UNC5B: variants seen among roughly 807,000 people sequenced by gnomAD.
UNC5B encodes the protein unc-5 netrin receptor B.
Under a neutral mutation model 103.7 loss-of-function variants are expected in UNC5B, and 56 were observed. The observed-to-expected ratio is 0.54, with a 90% confidence interval of 0.44 to 0.67. The LOEUF (loss-of-function observed/expected upper bound fraction) is 0.67. Among genes scored for constraint, UNC5B ranks in the 30% least tolerant of loss-of-function variants. The probability of loss-of-function intolerance (pLI) is 0.00; values close to 1 mark genes in which losing one functional copy is unlikely to be tolerated. For missense variants in UNC5B, 1,194 were observed against 1,284.5 expected, an observed-to-expected ratio of 0.93 and a Z score of 1.08; for synonymous variants, 577 against 542.0, an observed-to-expected ratio of 1.06 and a Z score of -0.90.
chr10:71,296,503 T>G (rs1845416347), intron 14 of UNC5B, 75 bp from the exon 15 acceptor site: 1 of 1,542,512 alleles, frequency 6.5e-7, no homozygotes, highest in South Asian at 1.2e-5. Context: ...CTCCCAACCC[T>G]CCCTGAGCCT....
intron 1 of UNC5B, among the ~76,000 whole-genome samples, chr10:71,238,662 C>T (rs1843824496): frequency 6.6e-6 from 1 of 152,120 alleles, no homozygotes; most frequent in Non-Finnish European, 1.5e-5. Context: ...ACCATCTTGG[C>T]CAGGCTGGTC....
At chr10:71,288,921 C>A in intron 7 of UNC5B, 37 bp from the exon 8 acceptor site, 1 of 1,608,988 alleles carries the variant, frequency 6.2e-7, no homozygotes, top group Non-Finnish European at 8.5e-7. Context: ...TTCCCTGTCA[C>A]CTATGTCATT....
chr10:71,242,641 T>C (rs991212330), intron 1 of UNC5B, among the ~76,000 whole-genome samples: 4 of 152,214 alleles, frequency 2.6e-5, no homozygotes, highest in Admixed American at 2.6e-4. Context: ...TGTGAGACCC[T>C]GGCTGTCCCT....
rs1845592516 is a variant in UNC5B, at chr10:71,301,991, C to G, written c.*2714C>G. 2 of 152,378 alleles carry G rather than the reference C, an allele frequency of 1.3e-5. No homozygotes were observed. The highest frequency in any genetic ancestry group is 2.9e-5 in the Non-Finnish European group (2 of 68,070). The allele number at this position is 152,378 out of a possible 1,614,324, so 9.4% of individuals were successfully genotyped here. A position where few individuals can be genotyped will look rare whatever the true frequency, so the allele number is the denominator to read the frequency against. The stretch of plus-strand genomic sequence containing the variant: ...CCAGGTGCCATTTCCAGTCTGACTT[C>G]CAGAAATGTGCACCATGTCCTAGAG... On this transcript the variant is annotated 3_prime_UTR_variant, in exon 17 of 17. Transcript: ENST00000335350.
At position 71,299,335 on chromosome 10, in the gene UNC5B, G is replaced by A; in HGVS notation, c.*58G>A. 1.3e-6 allele frequency: 2 copies of A among 1,597,150 alleles called. No individual in the cohort carries two copies. The highest frequency in any genetic ancestry group is 2.2e-5 in the South Asian group (2 of 89,374). ...CAGGAGGCAGGTGCAGGGAGGCCTG[G>A]GGCAGCCTCCTGATGGGGATGTTTG... On this transcript the variant is annotated 3_prime_UTR_variant, in exon 17 of 17. Transcript: ENST00000335350.
In UNC5B at chr10:71,296,732, CTCT is replaced by C. The variant is rs1488227523; in HGVS notation, c.2481_2483del (p.Leu828del). 1.9e-6 allele frequency: 3 copies of C among 1,609,444 alleles called. No homozygotes were observed. The highest frequency in any genetic ancestry group is 2.7e-5 in the African/African-American group (2 of 73,110). On this transcript the variant is annotated inframe_deletion, in exon 15 of 17. Coordinates refer to ENST00000335350, the MANE Select transcript of UNC5B (RefSeq NM_170744.5). ...GGCCAGATATTCCAGCTGCATACCACTCTGGCAGAGGTGAGGGAAGTCGGGGCC... is the reference window on the plus strand; with the variant it reads ...GGCCAGATATTCCAGCTGCATACCACGGCAGAGGTGAGGGAAGTCGGGGCC...
At chr10:71,239,869 C>T (rs1223294917) in intron 1 of UNC5B, among the ~76,000 whole-genome samples, 1 of 152,192 alleles carries the variant, frequency 6.6e-6, no homozygotes, top group East Asian at 1.9e-4. Flanking sequence ...CTGGATTTGG[C>T]AGACCCTGTA....
chr10:71,213,097 T>C lies in UNC5B; in HGVS notation c.79+33T>C. The stretch of plus-strand genomic sequence containing the variant: ...GCGATCGGGTCTGGGGGCGCGGGGC[T>C]AGGGGACCCTTGCGCCTCACTCTGT... On this transcript the variant is annotated intron_variant, in intron 1 of 16. Transcript: ENST00000335350. This position sits in a 1 kb window ranked among gnomAD's most constrained non-coding sequence, Gnocchi z 4.1. 3 of 1,270,806 alleles carry C rather than the reference T, an allele frequency of 2.4e-6. No homozygotes were observed. Among genetic ancestry groups the C allele is most frequent in the Non-Finnish European group, 3.0e-6 (3 of 1,001,784 alleles). The allele number at this position is 1,270,806 out of a possible 1,614,324, so 78.7% of individuals were successfully genotyped here.
intron 5 of UNC5B, among the ~76,000 whole-genome samples, 156 bp from the exon 6 acceptor site, chr10:71,287,442 A>G (rs749715265): frequency 1.3e-5 from 2 of 152,098 alleles, no homozygotes; most frequent in African/African-American, 2.4e-5. Context: ...GCCCAGCTCT[A>G]TCTGCCAGTT....
At position 71,213,177 on chromosome 10, in the gene UNC5B, G is replaced by A. The variant is rs568877565; in HGVS notation, c.79+113G>A. The A allele has an allele frequency of 2.6e-5, 23 of 884,172 alleles. No homozygotes were observed. Among genetic ancestry groups the A allele is most frequent in the Admixed American group, 2.1e-4 (5 of 23,280 alleles). 54.8% of individuals were successfully genotyped at this position (884,172 alleles called of 1,614,324 possible). On this transcript the variant is annotated intron_variant, in intron 1 of 16. Transcript: ENST00000335350. The surrounding 1 kb of genome is among the most constrained non-coding windows in gnomAD (Gnocchi z 4.1). The stretch of plus-strand genomic sequence containing the variant: ...CGATGCGCGCAGGAAAAGCGGCAAG[G>A]GCGCCCAAGTTAGAATGTAGATTTT...
At chr10:71,250,734 G>A (rs185428330) in intron 1 of UNC5B, among the ~76,000 whole-genome samples, 2 of 152,354 alleles carry the variant, frequency 1.3e-5, no homozygotes, top group Admixed American at 1.3e-4. Context: ...TTGCTGCGCT[G>A]CAGTGGTTTC....
At chr10:71,285,258 C>T in intron 3 of UNC5B, 68 bp from the exon 4 acceptor site, 1 of 1,474,826 alleles carries the variant, frequency 6.8e-7, no homozygotes. Flanking sequence ...CCAGTGGCTA[C>T]AGTGTAGCAC....
intron 1 of UNC5B, among the ~76,000 whole-genome samples, chr10:71,277,712 G>A (rs759817586): frequency 6.6e-6 from 1 of 152,238 alleles, no homozygotes; most frequent in Non-Finnish European, 1.5e-5. Context: ...CTGGCAGTGG[G>A]AAGCAGGTGT....
At chr10:71,236,593 A>G (rs1843780108) in intron 1 of UNC5B, among the ~76,000 whole-genome samples, 1 of 152,026 alleles carries the variant, frequency 6.6e-6, no homozygotes, top group Admixed American at 6.5e-5. Context: ...CAGAGCTGGG[A>G]CCCAGGGCCC....
In UNC5B at chr10:71,302,704, A is replaced by G. The variant is rs775060545; in HGVS notation, c.*3427A>G. 2.6e-5 allele frequency: 4 copies of G among 151,934 alleles called. No homozygotes were observed. The highest frequency in any genetic ancestry group is 5.9e-5 in the Non-Finnish European group (4 of 67,986). The allele number at this position is 151,934 out of a possible 1,614,324, so 9.4% of individuals were successfully genotyped here. A position where few individuals can be genotyped will look rare whatever the true frequency, so the allele number is the denominator to read the frequency against. Reference sequence around the variant, plus strand: ...CTGGACCCCTGCCAGGTCTGTGGACATGGTTATATGCCCGGGAGAGGGGGG... The same window carrying G: ...CTGGACCCCTGCCAGGTCTGTGGACGTGGTTATATGCCCGGGAGAGGGGGG... On this transcript the variant is annotated 3_prime_UTR_variant, in exon 17 of 17. Coordinates refer to ENST00000335350, the MANE Select transcript of UNC5B (RefSeq NM_170744.5).
At chr10:71,271,782 C>T (rs1023046558) in intron 1 of UNC5B, among the ~76,000 whole-genome samples, 2 of 152,250 alleles carry the variant, frequency 1.3e-5, no homozygotes, top group African/African-American at 4.8e-5. Context: ...GATGCAGGCC[C>T]CTGCCCCAGC....
In UNC5B at chr10:71,297,896, C is replaced by T; in HGVS notation, c.2491-13C>T. The stretch of plus-strand genomic sequence containing the variant: ...CACTGTGCCCCTCTCACTCTTGGCC[C>T]CCACCCTTGCAGACACCTGCTGGCT... On this transcript the variant is annotated splice_polypyrimidine_tract_variant and intron_variant, in intron 15 of 16. Transcript: ENST00000335350. 1.2e-6 allele frequency: 2 copies of T among 1,606,754 alleles called. No homozygotes were observed. The highest frequency in any genetic ancestry group is 1.7e-6 in the Non-Finnish European group (2 of 1,176,820).
rs1845026072 is a variant in UNC5B at position 71,284,801 on chromosome 10, A to G, written c.386A>G (p.Gln129Arg). 6.2e-7 allele frequency: 1 copy of G among 1,613,752 alleles called. No individual in the cohort carries two copies. The part of the protein sequence containing the change: ...ELFGLEDYWC[Q>R]CVAWSSAGTT... ...TTTGGGCTGGAGGATTACTGGTGCC[A>G]GTGCGTGGCCTGGAGCTCCGCGGGC... is the stretch of plus-strand genomic sequence containing the variant. The change falls in exon 3 of 17, where the codon CAG becomes CGG. Residue 129 changes from glutamine (Q) to arginine (R), a missense_variant. Physicochemically the swap from Gln to Arg is conservative, Grantham distance 43 (BLOSUM62 1). Transcript: ENST00000335350.
At chr10:71,234,658 A>C (rs1039440858) in intron 1 of UNC5B, among the ~76,000 whole-genome samples, 3 of 152,200 alleles carry the variant, frequency 2.0e-5, no homozygotes, top group Non-Finnish European at 4.4e-5. Flanking sequence ...CTAATAGCTC[A>C]GTGCAAGAGG....
Sources: allele counts gnomAD v4.1 joint callset (sites outside exome capture counted in the v4.1 genomes callset), GRCh38; gene constraint gnomAD v4.1.1; non-coding constraint Gnocchi (gnomAD v3.1); transcripts MANE v1.5; gene names NCBI Gene and HGNC (gene_info 2026-07-23, HGNC 2026-07-21).